DIAPH2: variants seen among roughly 807,000 people sequenced by gnomAD.
DIAPH2 encodes diaphanous related formin 2, also known as protein diaphanous homolog 2.
DIAPH2 carries 35 observed loss-of-function variants against 92.7 expected under a neutral mutation model. The observed-to-expected ratio is 0.38, with a 90% CI of 0.29 to 0.50. DIAPH2 has a LOEUF of 0.50. Ranked by LOEUF, DIAPH2 falls within the 20% of genes least tolerant of loss-of-function variation. The pLI, the probability that DIAPH2 is intolerant of heterozygous loss-of-function variation, is 0.94. For missense variants in DIAPH2, 701 were observed against 819.5 expected (o/e 0.86, Z 1.77); for synonymous variants, 301 against 280.4 (o/e 1.07, Z -0.73).
At chrX:96,899,334 C>A (rs749964320) in intron 5 of DIAPH2, among the ~76,000 whole-genome samples, 1 of 110,224 alleles carries the variant, frequency 9.1e-6, no homozygotes, top group South Asian at 4.0e-4. Flanking sequence ...GCCATTTTCA[C>A]GATACTGATT....
At chrX:97,301,577 T>C (rs2068706180) in intron 23 of DIAPH2, among the ~76,000 whole-genome samples, 1 of 111,791 alleles carries the variant, frequency 8.9e-6, no homozygotes, top group African/African-American at 3.3e-5. Context: ...TAAGGGCACT[T>C]TAAAGTTTTT....
chrX:97,364,765 T>TTTTGTTTTTG lies in DIAPH2; in HGVS notation c.3009+16488_3009+16489insGTTTTTGTTT, dbSNP rs1260577456. On this transcript the variant is annotated intron_variant, in intron 24 of 26. Coordinates refer to ENST00000324765, the MANE Select transcript of DIAPH2 (RefSeq NM_006729.5). The stretch of plus-strand genomic sequence containing the variant: ...AGTAAAAATGTCTCCTGGTGTTTTT[T>TTTTGTTTTTG]TTTTTTTTTTTTTGGATCTCCTTCC... Among the ~76,000 whole-genome samples, 68 of 105,130 alleles carry TTTTGTTTTTG rather than the reference T, an allele frequency of 6.5e-4. 1 individual carries two copies. The highest frequency in any genetic ancestry group is 9.5e-4 in the Non-Finnish European group (49 of 51,643). 91.3% of individuals were successfully genotyped at this position (105,130 alleles called of 115,157 possible).
chrX:97,463,452 G>A (rs2070478384), intron 26 of DIAPH2, among the ~76,000 whole-genome samples: 1 of 109,544 alleles, frequency 9.1e-6, no homozygotes, highest in Non-Finnish European at 1.9e-5. Context: ...GTGCAATGAG[G>A]TGATCTCGGC....
intron 1 of DIAPH2, among the ~76,000 whole-genome samples, chrX:96,694,982 C>T (rs1402847841): frequency 9.0e-5 from 9 of 100,100 alleles, no homozygotes; most frequent in Admixed American, 7.7e-4. Flanking sequence ...GAGTCTCGCT[C>T]TGTCGCCCGG....
At chrX:96,800,620 T>C (rs1268170489) in intron 4 of DIAPH2, among the ~76,000 whole-genome samples, 1 of 112,169 alleles carries the variant, frequency 8.9e-6, no homozygotes, top group Non-Finnish European at 1.9e-5. Context: ...TTCACTGAAC[T>C]AGGTGAGGTG....
intron 23 of DIAPH2, among the ~76,000 whole-genome samples, chrX:97,346,834 G>T (rs964404781): frequency 1.8e-5 from 2 of 110,995 alleles, no homozygotes; most frequent in African/African-American, 6.6e-5. Context: ...TGAAATGAGG[G>T]TCTTATAACC....
At chrX:96,715,195 C>T (rs1310761965) in intron 1 of DIAPH2, among the ~76,000 whole-genome samples, 1 of 111,501 alleles carries the variant, frequency 9.0e-6, no homozygotes, top group African/African-American at 3.3e-5. Context: ...ATATTGCACA[C>T]AAAATCACAT....
At chrX:96,790,498 T>C (rs1051550770) in intron 4 of DIAPH2, among the ~76,000 whole-genome samples, 1 of 111,663 alleles carries the variant, frequency 9.0e-6, no homozygotes, top group African/African-American at 3.3e-5. Flanking sequence ...ATTGTAAAGG[T>C]TTCTATCAAT....
In DIAPH2 at chrX:96,930,397, A is replaced by G. The variant is rs2065611823; in HGVS notation, c.979-336A>G. Among the ~76,000 whole-genome samples, 3 of 110,954 alleles carry G rather than the reference A, an allele frequency of 2.7e-5. No individual in the cohort carries two copies. The South Asian group carries it at 1.1e-3, about 42-fold the overall frequency. ...CCAAGTGTACTGTGAGGACCACTGG[A>G]CATGAAAGATACATTTTGTGATCTT... On this transcript the variant is annotated intron_variant, in intron 9 of 26. Coordinates refer to ENST00000324765, the MANE Select transcript of DIAPH2 (RefSeq NM_006729.5).
rs6620293 is a variant in DIAPH2 at position 97,492,765 on chromosome X, A to G, written c.3241+63020A>G. The stretch of plus-strand genomic sequence containing the variant: ...GGTTTCTGCTAAGAAATCCACTGAT[A>G]GTCTTATTGAGGACTCACTTTACAT... On this transcript the variant is annotated intron_variant, in intron 26 of 26. Coordinates refer to ENST00000324765, the MANE Select transcript of DIAPH2 (RefSeq NM_006729.5). Among the ~76,000 whole-genome samples, 488 of 111,809 alleles carry G rather than the reference A, an allele frequency of 4.4e-3. 18 individuals carry two copies. In the East Asian group the frequency reaches 0.1, roughly 24 times the overall value.
chrX:96,791,530 CTTT>C (rs10716008), intron 4 of DIAPH2, among the ~76,000 whole-genome samples: 24 of 91,631 alleles, frequency 2.6e-4, no homozygotes, highest in African/African-American at 7.9e-4. Flanking sequence ...AGTGAGACTC[CTTT>C]TTTTTTTTTT....
intron 25 of DIAPH2, among the ~76,000 whole-genome samples, chrX:97,417,163 C>T (rs2069955599): frequency 8.9e-6 from 1 of 112,079 alleles, no homozygotes; most frequent in South Asian, 3.7e-4. Flanking sequence ...TATGTTCATA[C>T]CCTCACTGAG....
chrX:97,026,927 CA>C (rs961025250), intron 17 of DIAPH2, among the ~76,000 whole-genome samples: 1 of 111,725 alleles, frequency 9.0e-6, no homozygotes, highest in African/African-American at 3.2e-5. Context: ...TTTAAAAGAA[CA>C]AAAAACAGGT....
At chrX:97,453,850 A>G (rs1297833498) in intron 26 of DIAPH2, 1 of 111,441 alleles carries the variant, frequency 9.0e-6, no homozygotes, top group East Asian at 2.8e-4. Context: ...GAACTTTTAT[A>G]TCTGTGTAGG....
chrX:96,961,252 G>C (rs763418185), intron 16 of DIAPH2, among the ~76,000 whole-genome samples: 1 of 110,514 alleles, frequency 9.0e-6, no homozygotes, highest in Non-Finnish European at 1.9e-5. Flanking sequence ...TTGGTAGATT[G>C]TATGTGTCCA....
At chrX:96,774,109 A>T (rs2064359175) in intron 4 of DIAPH2, among the ~76,000 whole-genome samples, 1 of 111,730 alleles carries the variant, frequency 9.0e-6, no homozygotes, top group African/African-American at 3.3e-5. Context: ...CCTCATAAGA[A>T]TTATCACCCC....
intron 5 of DIAPH2, among the ~76,000 whole-genome samples, chrX:96,883,364 GGTTTTTTGTTTTTT>G (rs766831043): frequency 6.4e-5 from 7 of 109,475 alleles, no homozygotes; most frequent in African/African-American, 2.3e-4. Context: ...AATGCTCCTA[GGTTTTTTGTTTTTT>G]GTTTTTTGTT....
At chrX:96,968,133 A>G (rs2065904906) in intron 17 of DIAPH2, among the ~76,000 whole-genome samples, 1 of 109,512 alleles carries the variant, frequency 9.1e-6, no homozygotes, top group Non-Finnish European at 1.9e-5. Flanking sequence ...TGTGGTTTCA[A>G]TTTTTCATTT....
At chrX:97,319,458 G>A (rs1198923333) in intron 23 of DIAPH2, among the ~76,000 whole-genome samples, 1 of 107,517 alleles carries the variant, frequency 9.3e-6, no homozygotes, top group Non-Finnish European at 1.9e-5. Flanking sequence ...GCGCTATCTC[G>A]GCTCACTGCA....
Sources: allele counts gnomAD v4.1 joint callset (sites outside exome capture counted in the v4.1 genomes callset), GRCh38; gene constraint gnomAD v4.1.1; transcripts MANE v1.5; gene names NCBI Gene and HGNC (gene_info 2026-07-23, HGNC 2026-07-21).